Variants in ATP2B4 observed in about 807,000 individuals in gnomAD.
The protein encoded by ATP2B4 is ATPase plasma membrane Ca2+ transporting 4.
ATP2B4 carries 39 observed loss-of-function variants against 110.3 expected under a neutral mutation model. The observed-to-expected ratio is 0.35, with a 90% CI of 0.27 to 0.46. The LOEUF (loss-of-function observed/expected upper bound fraction) is 0.46, where lower values mean the gene tolerates loss of function less well. Ranked by LOEUF, ATP2B4 falls within the 20% of genes least tolerant of loss-of-function variation. The pLI is 1.00. For missense variants in ATP2B4, 1,135 were observed against 1,530.9 expected (o/e 0.74, Z 4.32); for synonymous variants, 538 against 571.7 (o/e 0.94, Z 0.84).
Position 203,711,078 on chromosome 1 carries a change from G to C in ATP2B4, c.2001G>C (p.Val667=), listed in dbSNP as rs1665994981. The C allele has an allele frequency of 1.9e-6, 3 of 1,614,024 alleles. No individual in the cohort carries two copies. Among genetic ancestry groups the C allele is most frequent in the Admixed American group, 1.7e-5 (1 of 59,996 alleles). Residue 667 remains valine (V), a synonymous_variant, in exon 12 of 21, where the codon GTG becomes GTC. Transcript: ENST00000357681. The part of the protein sequence containing the change: ...EILTELTCIA[V]VGIEDPVRPE... ...TCACCGAACTGACCTGTATCGCGGT[G>C]GTGGGCATTGAGGACCCTGTGCGCC...
chr1:203,674,088 G>T (rs1664755908), intron 1 of ATP2B4, among the ~76,000 whole-genome samples: 1 of 152,144 alleles, frequency 6.6e-6, no homozygotes, highest in Non-Finnish European at 1.5e-5. Context: ...CTGCCGGAGG[G>T]CTGCGTCCTG....
At chr1:203,700,557 G>A (rs1665659934) in intron 5 of ATP2B4, among the ~76,000 whole-genome samples, 1 of 152,178 alleles carries the variant, frequency 6.6e-6, no homozygotes, top group South Asian at 2.1e-4. Flanking sequence ...CTGGTTGCAG[G>A]GGTGGCGGGG....
At chr1:203,630,027 G>T (rs971762170) in intron 1 of ATP2B4, among the ~76,000 whole-genome samples, 2 of 152,218 alleles carry the variant, frequency 1.3e-5, no homozygotes, top group East Asian at 1.9e-4. Context: ...GTGACAGGGC[G>T]TGGCTAGGCA....
intron 2 of ATP2B4, among the ~76,000 whole-genome samples, chr1:203,692,721 C>T (rs1039834853): frequency 2.0e-5 from 3 of 152,178 alleles, no homozygotes; most frequent in African/African-American, 2.4e-5. Flanking sequence ...GTGCCTCTGC[C>T]GATGTCGTTG....
chr1:203,721,496 A>C, intron 17 of ATP2B4, 86 bp downstream of exon 17: 1 of 1,375,902 alleles, frequency 7.3e-7, no homozygotes, highest in Non-Finnish European at 1.0e-6. Context: ...GCAAGTGCAC[A>C]GGTCAGGAAT....
Position 203,703,743 on chromosome 1 carries a change from G to C in ATP2B4, c.1029G>C (p.Lys343Asn), listed in dbSNP as rs778568395. The change falls in exon 8 of 21, where the codon AAG becomes AAC. Residue 343 changes from lysine (K) to asparagine (N), a missense_variant. Coordinates refer to ENST00000357681, the MANE Select transcript of ATP2B4 (RefSeq NM_001684.5). The part of the protein sequence containing the change: ...DNEEKDKKAV[K>N]VPKKEKSVLQ... Reference sequence around the variant, plus strand: ...AGGAAAAGGACAAGAAGGCAGTCAAGGTGCCTAAAAAGGAGAAGTCAGTGC... The same window carrying C: ...AGGAAAAGGACAAGAAGGCAGTCAACGTGCCTAAAAAGGAGAAGTCAGTGC... 6.2e-7 allele frequency: 1 copy of C among 1,614,170 alleles called. No homozygotes were observed. Among genetic ancestry groups the C allele is most frequent in the East Asian group, 2.2e-5 (1 of 44,880 alleles).
At chr1:203,694,091 G>C (rs1245395196) in intron 2 of ATP2B4, among the ~76,000 whole-genome samples, 1 of 152,194 alleles carries the variant, frequency 6.6e-6, no homozygotes, top group Non-Finnish European at 1.5e-5. Context: ...ACCAGGTAGG[G>C]GTTTGTGATG....
At chr1:203,712,597 G>GA (rs200539301) in intron 13 of ATP2B4, among the ~76,000 whole-genome samples, 23 of 141,014 alleles carry the variant, frequency 1.6e-4, no homozygotes, top group East Asian at 4.3e-4. Context: ...TCTCAAAAAA[G>GA]AAAAAAAAAA....
chr1:203,732,371 A>G (rs969707445), intron 20 of ATP2B4, among the ~76,000 whole-genome samples: 1 of 152,048 alleles, frequency 6.6e-6, no homozygotes, highest in African/African-American at 2.4e-5. Context: ...TCAGATCTCT[A>G]ATGCATTAAT....
intron 1 of ATP2B4, among the ~76,000 whole-genome samples, chr1:203,661,005 G>A (rs1488874045): frequency 6.6e-6 from 1 of 151,854 alleles, no homozygotes. Context: ...AGCTATTTGG[G>A]AGGCCGAGGC....
chr1:203,735,752 T>G (rs1165968434), intron 20 of ATP2B4, among the ~76,000 whole-genome samples: 2 of 152,236 alleles, frequency 1.3e-5, no homozygotes, highest in African/African-American at 4.8e-5. Context: ...TCTTTCATAT[T>G]CCTCTCTTAA....
chr1:203,680,310 C>A (rs1434387667), intron 1 of ATP2B4, among the ~76,000 whole-genome samples: 1 of 152,038 alleles, frequency 6.6e-6, no homozygotes, highest in Non-Finnish European at 1.5e-5. Context: ...AACAAAAGTT[C>A]ATTAAGATCA....
chr1:203,729,551 A>G, intron 20 of ATP2B4: 1 of 438,566 alleles, frequency 2.3e-6, no homozygotes, highest in Non-Finnish European at 4.3e-6. Context: ...TCTCAAAAAA[A>G]AAAAAAAAAA....
intron 1 of ATP2B4, among the ~76,000 whole-genome samples, chr1:203,671,153 T>C (rs1191120979): frequency 1.3e-5 from 2 of 152,244 alleles, no homozygotes; most frequent in Non-Finnish European, 1.5e-5. Flanking sequence ...TAGCTGTTTC[T>C]GAAAGGTGAC....
chr1:203,723,442 C>G (rs1666401556), intron 18 of ATP2B4, among the ~76,000 whole-genome samples: 2 of 133,622 alleles, frequency 1.5e-5, no homozygotes, highest in African/African-American at 2.9e-5. Flanking sequence ...CTCTCTCTCT[C>G]TCTCTCTCTC....
At chr1:203,656,638 A>G (rs1350986125) in intron 1 of ATP2B4, among the ~76,000 whole-genome samples, 3 of 152,370 alleles carry the variant, frequency 2.0e-5, no homozygotes, top group South Asian at 2.1e-4. Context: ...TCTCAGACAC[A>G]TAATTAAGTG....
intron 15 of ATP2B4, among the ~76,000 whole-genome samples, chr1:203,719,004 C>G (rs923932051): frequency 5.3e-5 from 8 of 151,988 alleles, no homozygotes; most frequent in East Asian, 1.9e-4. Flanking sequence ...GGAGAAGGAG[C>G]ACTAGAAGCC....
chr1:203,712,111 A>T lies in ATP2B4; in HGVS notation c.2183A>T (p.Asn728Ile), dbSNP rs1345045719. The part of the protein sequence containing the change: ...DFLCLEGKEF[N>I]RLIRNEKGEV... ...CTGTGCTTAGAAGGCAAAGAATTCA[A>T]CCGGCTCATCCGCAACGAGAAAGGC... is the stretch of plus-strand genomic sequence containing the variant. The change falls in exon 13 of 21, where the codon AAC (asparagine) becomes ATC (isoleucine). Residue 728 changes from asparagine to isoleucine, a missense_variant. Physicochemically the swap from Asn to Ile is moderately radical, Grantham distance 149. This residue lies in a region of ATP2B4 where 368 missense variants were observed against 455.9 expected (regional missense o/e 0.81). Transcript: ENST00000357681. The T allele has an allele frequency of 6.2e-7, 1 of 1,614,116 alleles. No individual in the cohort carries two copies. The highest frequency in any genetic ancestry group is 1.1e-5 in the South Asian group (1 of 91,084).
intron 15 of ATP2B4, among the ~76,000 whole-genome samples, chr1:203,717,594 T>G (rs1666194727): frequency 6.6e-6 from 1 of 151,758 alleles, no homozygotes; most frequent in South Asian, 2.1e-4. Flanking sequence ...CTCCAAGGAT[T>G]CCTGCTTCAT....
Sources: allele counts gnomAD v4.1 joint callset (sites outside exome capture counted in the v4.1 genomes callset), GRCh38; gene constraint gnomAD v4.1.1; regional missense constraint gnomAD v4.1.1; transcripts MANE v1.5; gene names NCBI Gene and HGNC (gene_info 2026-07-23, HGNC 2026-07-21).